IGF1R: variants seen among roughly 807,000 people sequenced by gnomAD.
IGF1R encodes the protein insulin like growth factor 1 receptor.
In IGF1R, 44 loss-of-function variants were observed where a neutral mutation model predicts 144.6. The observed-to-expected ratio is 0.30, with a 90% CI of 0.24 to 0.39. IGF1R has a LOEUF of 0.39. Ranked by LOEUF, IGF1R falls within the 10% of genes least tolerant of loss-of-function variation. IGF1R has a pLI of 1.00. For missense variants in IGF1R, 1,355 were observed against 1,833.7 expected, an observed-to-expected ratio of 0.74 and a Z score of 4.77; for synonymous variants, 795 against 722.8, an observed-to-expected ratio of 1.10 and a Z score of -1.60.
intron 1 of IGF1R, among the ~76,000 whole-genome samples, chr15:98,650,554 G>GT (rs1243010345): frequency 2.0e-5 from 3 of 152,238 alleles, no homozygotes; most frequent in African/African-American, 7.2e-5. Flanking sequence ...CCGAGTGTGC[G>GT]TTGGTGGGTG....
chr15:98,681,152 G>A (rs533122511), intron 1 of IGF1R, among the ~76,000 whole-genome samples: 2 of 152,262 alleles, frequency 1.3e-5, no homozygotes, highest in South Asian at 2.1e-4. Flanking sequence ...TAAGTGATAC[G>A]TAACTCTGCT....
rs1327880338 is a variant in IGF1R, at chr15:98,913,132, A to G, written c.1678A>G (p.Lys560Glu). 1 of 1,614,258 alleles carries G rather than the reference A, an allele frequency of 6.2e-7. No homozygotes were observed. The highest frequency in any genetic ancestry group is 1.1e-5 in the South Asian group (1 of 91,088). Residue 560 changes from lysine (K) to glutamate (E), a missense_variant, in exon 8 of 21, where the codon AAG (lysine) becomes GAG (glutamate). Physicochemically the swap from Lys to Glu is moderately conservative, Grantham distance 56. This residue lies in a region of IGF1R where 880 missense variants were observed against 1,202.7 expected (regional missense o/e 0.73). Transcript: ENST00000650285. ...NMVDVDLPPN[K>E]DVEPGILLHG... ...GGTGGACGTGGACCTCCCGCCCAAC[A>G]AGGACGTGGAGCCCGGCATCTTACT...
intron 2 of IGF1R, among the ~76,000 whole-genome samples, chr15:98,778,731 C>T (rs891688067): frequency 1.2e-4 from 18 of 152,196 alleles, no homozygotes; most frequent in African/African-American, 4.3e-4. Flanking sequence ...GGGCCACCTT[C>T]CCAGGGGCCT....
chr15:98,809,993 G>A (rs535239837), intron 2 of IGF1R, among the ~76,000 whole-genome samples: 6 of 152,188 alleles, frequency 3.9e-5, no homozygotes, highest in Non-Finnish European at 7.3e-5. Context: ...ACAGACTCCC[G>A]CTTTAGGGAA....
intron 18 of IGF1R, among the ~76,000 whole-genome samples, chr15:98,941,073 G>C (rs906841813): frequency 2.0e-5 from 3 of 152,228 alleles, no homozygotes; most frequent in South Asian, 2.1e-4. Flanking sequence ...CCCAGTGCAG[G>C]GGGGAGCCAG....
chr15:98,774,043 T>C (rs1189834367), intron 2 of IGF1R, among the ~76,000 whole-genome samples: 2 of 152,248 alleles, frequency 1.3e-5, no homozygotes, highest in Non-Finnish European at 2.9e-5. Context: ...TCTTTGGGAT[T>C]GGTTTTTGGT....
chr15:98,672,744 T>A (rs2052929454), intron 1 of IGF1R, among the ~76,000 whole-genome samples: 1 of 152,204 alleles, frequency 6.6e-6, no homozygotes, highest in Non-Finnish European at 1.5e-5. Flanking sequence ...ACTCAAGTAG[T>A]TCTGATTGGG....
intron 7 of IGF1R, among the ~76,000 whole-genome samples, 188 bp downstream of exon 7, chr15:98,911,629 C>T (rs1394348618): frequency 6.6e-6 from 1 of 152,192 alleles, no homozygotes; most frequent in Non-Finnish European, 1.5e-5. Context: ...TCAGTCACAG[C>T]CAGTGACAGC....
intron 20 of IGF1R, among the ~76,000 whole-genome samples, chr15:98,952,539 C>G (rs897735685): frequency 3.2e-4 from 48 of 152,174 alleles, no homozygotes; most frequent in Non-Finnish European, 6.2e-4. Context: ...TTAGAAACAG[C>G]CCATGAAAGC....
chr15:98,962,004 A>G lies in IGF1R; in HGVS notation c.*4562A>G. 4.3e-6 allele frequency: 1 copy of G among 233,344 alleles called. No individual in the cohort carries two copies. The allele number at this position is 233,344 out of a possible 1,614,324, so 14.5% of individuals were successfully genotyped here. A position where few individuals can be genotyped will look rare whatever the true frequency, so the allele number is the denominator to read the frequency against. ...CTTTGGGATAAAAGATTTATGAGCC[A>G]ACTATTCTCTGGCACCAGATTCTAG... On this transcript the variant is annotated 3_prime_UTR_variant, in exon 21 of 21. Coordinates refer to ENST00000650285, the MANE Select transcript of IGF1R (RefSeq NM_000875.5).
At chr15:98,852,987 A>G (rs534663775) in intron 2 of IGF1R, among the ~76,000 whole-genome samples, 29 of 152,286 alleles carry the variant, frequency 1.9e-4, no homozygotes, top group African/African-American at 5.5e-4. Context: ...ATTTTCTACA[A>G]ATGCCGCCCT....
chr15:98,961,464 C>T lies in IGF1R; in HGVS notation c.*4022C>T. 1 of 233,456 alleles carries T rather than the reference C, an allele frequency of 4.3e-6. No individual in the cohort carries two copies. Among genetic ancestry groups the T allele is most frequent in the Non-Finnish European group, 8.5e-6 (1 of 118,034 alleles). 14.5% of individuals were successfully genotyped at this position (233,456 alleles called of 1,614,324 possible). A position where few individuals can be genotyped will look rare whatever the true frequency, so the allele number is the denominator to read the frequency against. On this transcript the variant is annotated 3_prime_UTR_variant, in exon 21 of 21. Transcript: ENST00000650285. ...TCACTTTACTGGACCAACCCACCCA[C>T]CTTGACTATACCAAGGCATCATCTA... is the stretch of plus-strand genomic sequence containing the variant.
At chr15:98,655,915 C>T (rs574986297) in intron 1 of IGF1R, among the ~76,000 whole-genome samples, 20 of 152,214 alleles carry the variant, frequency 1.3e-4, no homozygotes, top group African/African-American at 3.9e-4. Context: ...CTATGTTGCT[C>T]AGGTTGGACT....
At chr15:98,793,669 C>T (rs1394446237) in intron 2 of IGF1R, among the ~76,000 whole-genome samples, 4 of 152,152 alleles carry the variant, frequency 2.6e-5, no homozygotes, top group African/African-American at 4.8e-5. Context: ...TAGCATAGAA[C>T]GTATACTCTG....
At chr15:98,693,468 T>C (rs748605179) in intron 1 of IGF1R, among the ~76,000 whole-genome samples, 16 of 152,192 alleles carry the variant, frequency 1.1e-4, no homozygotes, top group Non-Finnish European at 2.4e-4. Flanking sequence ...TGCTGCAGAA[T>C]GCAGAGGACG....
chr15:98,778,275 G>C (rs1336453964), intron 2 of IGF1R, among the ~76,000 whole-genome samples: 1 of 152,172 alleles, frequency 6.6e-6, no homozygotes, highest in Non-Finnish European at 1.5e-5. Flanking sequence ...GAAGCTTTGA[G>C]GCATGTTCTA....
intron 2 of IGF1R, among the ~76,000 whole-genome samples, chr15:98,859,249 T>G (rs903578322): frequency 6.6e-5 from 10 of 152,250 alleles, no homozygotes; most frequent in African/African-American, 2.4e-4. Flanking sequence ...ACATTTCATT[T>G]AGTTTTGCAA....
chr15:98,753,085 G>A (rs1411123358), intron 2 of IGF1R, among the ~76,000 whole-genome samples: 1 of 151,712 alleles, frequency 6.6e-6, no homozygotes, highest in African/African-American at 2.4e-5. Flanking sequence ...ACAGGCACGT[G>A]CCACCACACC....
At chr15:98,702,884 C>T (rs1229042488) in intron 1 of IGF1R, among the ~76,000 whole-genome samples, 2 of 152,256 alleles carry the variant, frequency 1.3e-5, no homozygotes, top group African/African-American at 4.8e-5. Context: ...CTGCATTGAG[C>T]CACGATTGTG....
Sources: allele counts gnomAD v4.1 joint callset (sites outside exome capture counted in the v4.1 genomes callset), GRCh38; gene constraint gnomAD v4.1.1; regional missense constraint gnomAD v4.1.1; transcripts MANE v1.5; gene names NCBI Gene and HGNC (gene_info 2026-07-23, HGNC 2026-07-21).